The following WDR27 variants were observed in gnomAD, a reference collection of about 807,000 sequenced individuals.
The protein encoded by WDR27 is WD repeat domain 27.
In WDR27, 100 loss-of-function variants were observed where a neutral mutation model predicts 114.4. The observed-to-expected ratio is 0.87, with a 90% confidence interval of 0.74 to 1.03. The LOEUF is 1.03. Ranked by LOEUF, WDR27 falls within the 50% of genes least tolerant of loss-of-function variation. The pLI is 0.00. For synonymous variants in WDR27, 449 were observed against 423.1 expected (o/e 1.06, Z -0.75); for missense variants, 1,129 against 1,092.9 (o/e 1.03, Z -0.47).
At chr6:169,467,341 G>T (rs1445049378) in intron 25 of WDR27, among the ~76,000 whole-genome samples, 1 of 152,178 alleles carries the variant, frequency 6.6e-6, no homozygotes, top group African/African-American at 2.4e-5. Flanking sequence ...TGGGGACTCT[G>T]TAGGGGCTCC....
rs185125982 is a variant in WDR27 at position 169,668,082 on chromosome 6, C to G, written c.560G>C (p.Arg187Pro). ...GCCCAGGTGGCCCTGCAGCTCGGCC[C>G]GAACAGCCTGAGTCTGAGAGAATGT... Reference protein sequence around the residue: ...LHTFSQTQAVRAELQGHLGPV... With the variant: ...LHTFSQTQAVPAELQGHLGPV... Residue 187 changes from arginine (R) to proline (P), a missense_variant, in exon 5 of 26, where the codon CGG (arginine) becomes CCG (proline). Transcript: ENST00000448612. 6.2e-7 allele frequency: 1 copy of G among 1,613,804 alleles called. No individual in the cohort carries two copies. Among genetic ancestry groups the G allele is most frequent in the African/African-American group, 1.3e-5 (1 of 74,872 alleles).
At chr6:169,613,534 AGT>A in intron 22 of WDR27, 23 bp downstream of exon 22, 1 of 1,583,870 alleles carries the variant, frequency 6.3e-7, no homozygotes, top group South Asian at 1.1e-5. Context: ...CCACCCCTGC[AGT>A]GCAGGGCGCA....
intron 1 of WDR27, among the ~76,000 whole-genome samples, chr6:169,690,427 C>G (rs1371570309): frequency 6.6e-6 from 1 of 152,202 alleles, no homozygotes; most frequent in Non-Finnish European, 1.5e-5. Context: ...AGGGCTTTTA[C>G]TGCCTCAGCA....
intron 3 of WDR27, 97 bp downstream of exon 3, chr6:169,672,158 A>G: frequency 7.8e-7 from 1 of 1,282,872 alleles, no homozygotes; most frequent in Non-Finnish European, 1.1e-6. Context: ...GACTGCTGTT[A>G]CCCAAGGGAA....
intron 1 of WDR27, among the ~76,000 whole-genome samples, chr6:169,689,911 C>T (rs1444400245): frequency 4.6e-5 from 7 of 152,136 alleles, no homozygotes; most frequent in African/African-American, 9.7e-5. Context: ...ACCCATGTGG[C>T]GCTCATGCTG....
chr6:169,543,126 A>T (rs1797029036), intron 25 of WDR27, among the ~76,000 whole-genome samples: 1 of 152,118 alleles, frequency 6.6e-6, no homozygotes, highest in Non-Finnish European at 1.5e-5. Flanking sequence ...TAAAACAATT[A>T]TTTAATCTGG....
chr6:169,540,431 C>CTTT (rs66671017), intron 25 of WDR27, among the ~76,000 whole-genome samples: 5 of 144,802 alleles, frequency 3.5e-5, no homozygotes, highest in African/African-American at 5.0e-5. Flanking sequence ...TGAATAGAAT[C>CTTT]TTTTTTTTTT....
chr6:169,583,743 C>T (rs977852637), intron 23 of WDR27, among the ~76,000 whole-genome samples: 2 of 17,130 alleles, frequency 1.2e-4, no homozygotes, highest in African/African-American at 2.6e-4. Flanking sequence ...AAAGACAATT[C>T]CTTTTTCCCG....
intron 17 of WDR27, among the ~76,000 whole-genome samples, chr6:169,640,251 A>G (rs1818834763): frequency 6.6e-6 from 1 of 152,202 alleles, no homozygotes; most frequent in African/African-American, 2.4e-5. Flanking sequence ...CATGTGAATC[A>G]CACATCACAA....
chr6:169,700,560 C>G (rs539650737), intron 1 of WDR27, among the ~76,000 whole-genome samples: 11 of 152,156 alleles, frequency 7.2e-5, no homozygotes, highest in Non-Finnish European at 1.6e-4. Context: ...TGGCTAAATG[C>G]GGAGAATTCA....
chr6:169,565,159 C>T (rs531112114), intron 25 of WDR27, among the ~76,000 whole-genome samples: 8 of 152,156 alleles, frequency 5.3e-5, no homozygotes, highest in Admixed American at 2.0e-4. Flanking sequence ...ATAGAAACTG[C>T]GAATCAAGAG....
chr6:169,446,541 G>C, the WDR27 span, among the ~76,000 whole-genome samples: 5 of 152,224 alleles, frequency 3.3e-5, no homozygotes, highest in Non-Finnish European at 7.3e-5. Flanking sequence ...GGATTTGGGA[G>C]CATCTGCAGG....
At position 169,659,097 on chromosome 6, in the gene WDR27, C is replaced by T. The variant is rs375732744; in HGVS notation, c.1308G>A (p.Ser436=). ...TGAAGACACTCTACCTGGCTGGCAC[C>T]GAGAGGCTCTGCCCCATGCTGGGGC... is the stretch of plus-strand genomic sequence containing the variant. ...QQCPSMGQSL[S]VPASSCVLPT... is the part of the protein sequence containing the mutation. The change falls in exon 12 of 26, where the codon TCG becomes TCA. Residue 436 remains serine, a synonymous_variant. Coordinates refer to ENST00000448612, the MANE Select transcript of WDR27 (RefSeq NM_182552.5). This position sits in a 1 kb window ranked among gnomAD's most constrained non-coding sequence, Gnocchi z 4.3. 41 of 1,558,840 alleles carry T rather than the reference C, an allele frequency of 2.6e-5. No individual in the cohort carries two copies. Among genetic ancestry groups the T allele is most frequent in the African/African-American group, 5.5e-5 (4 of 72,214 alleles).
At chr6:169,564,183 C>T (rs1385259118) in intron 25 of WDR27, among the ~76,000 whole-genome samples, 1 of 152,222 alleles carries the variant, frequency 6.6e-6, no homozygotes, top group Non-Finnish European at 1.5e-5. Flanking sequence ...AGCTGAAGAA[C>T]CTGGAGTCTG....
In WDR27 at chr6:169,659,956, C is replaced by T. The variant is rs546032915; in HGVS notation, c.1130-438G>A. 2.0e-3 allele frequency among the ~76,000 whole-genome samples: 299 copies of T among 151,836 alleles called. 2 individuals carry two copies. Among genetic ancestry groups the T allele is most frequent in the African/African-American group, 6.8e-3 (281 of 41,398 alleles). ...AGGGATGGGCGGCTGAAGGGAAGGG[C>T]GTGTGTGAAGACACAGATGCATCCC... On this transcript the variant is annotated intron_variant, in intron 10 of 25. Transcript: ENST00000448612. This position sits in a 1 kb window ranked among gnomAD's most constrained non-coding sequence, Gnocchi z 4.3.
chr6:169,681,842 T>C (rs750389414), intron 2 of WDR27, among the ~76,000 whole-genome samples: 1 of 152,084 alleles, frequency 6.6e-6, no homozygotes, highest in Non-Finnish European at 1.5e-5. Context: ...ATCTCAGCTC[T>C]GGGCTCTTCT....
At chr6:169,568,646 G>T (rs534906021) in intron 25 of WDR27, among the ~76,000 whole-genome samples, 1 of 152,276 alleles carries the variant, frequency 6.6e-6, no homozygotes, top group African/African-American at 2.4e-5. Context: ...TAAGCTAATT[G>T]GTTGACAAAC....
At chr6:169,487,998 C>T (rs1010933468) in intron 25 of WDR27, among the ~76,000 whole-genome samples, 2 of 152,236 alleles carry the variant, frequency 1.3e-5, no homozygotes, top group East Asian at 1.9e-4. Context: ...CAGTCTCTGA[C>T]TCCCCCAGCT....
intron 25 of WDR27, among the ~76,000 whole-genome samples, chr6:169,467,252 A>G (rs1339484724): frequency 6.6e-6 from 1 of 152,160 alleles, no homozygotes; most frequent in African/African-American, 2.4e-5. Flanking sequence ...AGCATGGTGC[A>G]AGCTGTTGGT....
Sources: allele counts gnomAD v4.1 joint callset (sites outside exome capture counted in the v4.1 genomes callset), GRCh38; gene constraint gnomAD v4.1.1; non-coding constraint Gnocchi (gnomAD v3.1); transcripts MANE v1.5; gene names NCBI Gene and HGNC (gene_info 2026-07-23, HGNC 2026-07-21).